Variants in KIR2DL1 observed in about 807,000 individuals in gnomAD.
The protein encoded by KIR2DL1 is killer cell immunoglobulin-like receptor 2DL1.
KIR2DL1 carries 38 observed loss-of-function variants against 33.9 expected under a neutral mutation model. That is an observed-to-expected ratio of 1.12 (90% confidence interval 0.86 to 1.47). KIR2DL1 has a LOEUF of 1.47. Among genes scored for constraint, KIR2DL1 ranks in the 40% most tolerant of loss-of-function variants. The pLI is 0.00. For missense variants in KIR2DL1, 531 were observed against 433.9 expected (o/e 1.22, Z -1.99); for synonymous variants, 179 against 165.9 (o/e 1.08, Z -0.61).
At chr19:54,774,338 A>G in intron 3 of KIR2DL1, among the ~76,000 whole-genome samples, 1 of 118,258 alleles carries the variant, frequency 8.5e-6, no homozygotes, top group Non-Finnish European at 1.9e-5. Flanking sequence ...AAAGAGAGAG[A>G]AAAGAGGGCA....
Position 54,783,535 on chromosome 19 carries a change from C to A in KIR2DL1, c.867C>A (p.Ser289Arg), listed in dbSNP as rs2736416. ...QESAGNRTAN[S>R]EDSDEQDPQE... ...CTGCAGGAAACAGAACAGCGAATAGCGAGGTAGGTACTCCTCGGCCCGGGC... is the reference window on the plus strand; with the variant it reads ...CTGCAGGAAACAGAACAGCGAATAGAGAGGTAGGTACTCCTCGGCCCGGGC... Residue 289 changes from serine to arginine, a missense_variant, in exon 7 of 8, where the codon AGC becomes AGA. Physicochemically the swap from Ser to Arg is moderately radical, Grantham distance 110 (BLOSUM62 -1). Coordinates refer to ENST00000336077, the MANE Select transcript of KIR2DL1 (RefSeq NM_014218.3). 12 of 1,613,358 alleles carry A rather than the reference C, an allele frequency of 7.4e-6. 1 individual carries two copies. The highest frequency in any genetic ancestry group is 1.3e-5 in the African/African-American group (1 of 74,784).
Position 54,773,602 on chromosome 19 carries a change from C to G in KIR2DL1, c.340C>G (p.Pro114Ala). Residue 114 changes from proline (P) to alanine (A), a missense_variant, in exon 3 of 8, where the codon CCC (proline) becomes GCC (alanine). Coordinates refer to ENST00000336077, the MANE Select transcript of KIR2DL1 (RefSeq NM_014218.3). ...TCACTCCCCCTATCAGGTGTCAGCT[C>G]CCAGTGACCCTCTGGACATCGTGAT... ...VTHSPYQVSA[P>A]SDPLDIVIIG... 6.3e-7 allele frequency: 1 copy of G among 1,577,932 alleles called. No individual in the cohort carries two copies. The highest frequency in any genetic ancestry group is 8.7e-7 in the Non-Finnish European group (1 of 1,151,680).
At chr19:54,771,354 G>A (rs1051387605) in intron 2 of KIR2DL1, among the ~76,000 whole-genome samples, 1 of 148,344 alleles carries the variant, frequency 6.7e-6, no homozygotes, top group Non-Finnish European at 1.5e-5. Flanking sequence ...TCTACCCTGT[G>A]TTGTTTTATG....
In KIR2DL1 at chr19:54,783,524, A is replaced by G; in HGVS notation, c.856A>G (p.Thr286Ala). The change falls in exon 7 of 8, where the codon ACA becomes GCA. Residue 286 changes from threonine (T) to alanine (A), a missense_variant. Thr to Ala is a moderately conservative substitution (Grantham distance 58, BLOSUM62 0). Transcript: ENST00000336077. Reference sequence around the variant, plus strand: ...GGACCAAGAGTCTGCAGGAAACAGAACAGCGAATAGCGAGGTAGGTACTCC... The same window carrying G: ...GGACCAAGAGTCTGCAGGAAACAGAGCAGCGAATAGCGAGGTAGGTACTCC... ...VMDQESAGNR[T>A]ANSEDSDEQD... is the part of the protein sequence containing the mutation. 1 of 1,613,790 alleles carries G rather than the reference A, an allele frequency of 6.2e-7. No homozygotes were observed. Among genetic ancestry groups the G allele is most frequent in the Admixed American group, 1.7e-5 (1 of 59,994 alleles).
At chr19:54,782,367 C>G (rs1459981024) in intron 5 of KIR2DL1, among the ~76,000 whole-genome samples, 1 of 152,076 alleles carries the variant, frequency 6.6e-6, no homozygotes, top group African/African-American at 2.4e-5. Context: ...CCTCACCGTT[C>G]TGCAGGCTGT....
rs1470663224 is a variant in KIR2DL1, at chr19:54,774,747, A to G, written c.371-418A>G. Among the ~76,000 whole-genome samples, 3 of 148,278 alleles carry G rather than the reference A, an allele frequency of 2.0e-5. 1 individual carries two copies. The highest frequency in any genetic ancestry group is 4.5e-5 in the Non-Finnish European group (3 of 66,154). On this transcript the variant is annotated intron_variant, in intron 3 of 7. Transcript: ENST00000336077. ...GGATAGATAGACAATTGATGGATAA[A>G]TAGATGATATATAGATATAGATGAC...
At chr19:54,771,699 G>A (rs1215643683) in intron 2 of KIR2DL1, among the ~76,000 whole-genome samples, 1 of 148,086 alleles carries the variant, frequency 6.8e-6, no homozygotes, top group Non-Finnish European at 1.5e-5. Context: ...TCTTATCTTG[G>A]GTTTAACAAC....
chr19:54,777,480 T>C lies in KIR2DL1; in HGVS notation c.665-1132T>C, dbSNP rs1329158958. On this transcript the variant is annotated intron_variant, in intron 4 of 7. Coordinates refer to ENST00000336077, the MANE Select transcript of KIR2DL1 (RefSeq NM_014218.3). ...ATGAGTGATACTGAGCACTTTTTCGTATGTGGGGAAATTTCATGTCTTTTG... is the reference window on the plus strand; with the variant it reads ...ATGAGTGATACTGAGCACTTTTTCGCATGTGGGGAAATTTCATGTCTTTTG... Among the ~76,000 whole-genome samples the C allele has an allele frequency of 2.0e-5, 3 of 149,668 alleles. 1 individual carries two copies. The Admixed American group carries it at 2.0e-4, about 10-fold the overall frequency.
intron 4 of KIR2DL1, among the ~76,000 whole-genome samples, chr19:54,776,979 C>T (rs1440726060): frequency 3.3e-5 from 5 of 150,260 alleles, no homozygotes; most frequent in Non-Finnish European, 7.4e-5. Context: ...TACTTTTCTC[C>T]GTAATGGCTG....
chr19:54,778,335 T>C (rs1321806337), intron 4 of KIR2DL1, among the ~76,000 whole-genome samples: 8 of 149,634 alleles, frequency 5.3e-5, no homozygotes, highest in South Asian at 2.1e-4. Flanking sequence ...CGTTGTTCTA[T>C]GTGCCTTTCT....
At chr19:54,776,407 T>G (rs1459045079) in intron 4 of KIR2DL1, among the ~76,000 whole-genome samples, 5 of 145,878 alleles carry the variant, frequency 3.4e-5, no homozygotes, top group African/African-American at 1.3e-4. Flanking sequence ...TGGCTGCAAA[T>G]GACAGGATGT....
At chr19:54,776,361 T>C (rs1223538906) in intron 4 of KIR2DL1, among the ~76,000 whole-genome samples, 1 of 145,576 alleles carries the variant, frequency 6.9e-6, no homozygotes, top group Non-Finnish European at 1.5e-5. Context: ...GGGTGAGAAA[T>C]GGGAATCTTT....
chr19:54,776,485 C>T (rs2147512410), intron 4 of KIR2DL1, among the ~76,000 whole-genome samples: 1 of 147,202 alleles, frequency 6.8e-6, no homozygotes, highest in Admixed American at 6.9e-5. Flanking sequence ...CATTCACCCA[C>T]TGATGGGCAG....
At position 54,775,215 on chromosome 19, in the gene KIR2DL1, G is replaced by A. The variant is rs145961423; in HGVS notation, c.421G>A (p.Ala141Thr). 1,645 of 1,601,086 alleles carry A rather than the reference G, an allele frequency of 1.0e-3. 91 individuals are homozygous for A. Among genetic ancestry groups the A allele is most frequent in the Non-Finnish European group, 1.2e-3 (1,440 of 1,170,830 alleles). Reference protein sequence around the residue: ...LSAQLGPTVLAGENVTLSCSS... With the variant: ...LSAQLGPTVLTGENVTLSCSS... ...AGCCCAGCTGGGCCCCACGGTTCTG[G>A]CAGGAGAGAATGTGACCTTGTCCTG... The change falls in exon 4 of 8, where the codon GCA (alanine) becomes ACA (threonine). Residue 141 changes from alanine to threonine, a missense_variant. By Grantham distance (58) the Ala-to-Thr change is moderately conservative. Coordinates refer to ENST00000336077, the MANE Select transcript of KIR2DL1 (RefSeq NM_014218.3).
intron 1 of KIR2DL1, 72 bp from the exon 2 acceptor site, chr19:54,770,777 A>G: frequency 6.4e-7 from 1 of 1,552,894 alleles, no homozygotes; most frequent in Non-Finnish European, 8.9e-7. Context: ...CAAGACTCAC[A>G]GCCCAGTGGG....
rs755309028 is a variant in KIR2DL1 at position 54,775,419 on chromosome 19, T to A, written c.625T>A (p.Trp209Arg). 1.3e-4 allele frequency: 209 copies of A among 1,584,216 alleles called. 10 individuals are homozygous for A. In the East Asian group the frequency reaches 4.6e-3, roughly 35 times the overall value. ...FGSFHDSPYE[W>R]SKSSDPLLVS... ...CTCTTTCCATGACTCTCCATACGAG[T>A]GGTCAAAGTCAAGTGACCCACTGCT... The change falls in exon 4 of 8, where the codon TGG (tryptophan) becomes AGG (arginine). Residue 209 changes from tryptophan to arginine, a missense_variant. Transcript: ENST00000336077.
chr19:54,770,985 A>C, intron 2 of KIR2DL1, 101 bp downstream of exon 2: 2 of 1,488,916 alleles, frequency 1.3e-6, no homozygotes, highest in East Asian at 4.6e-5. Flanking sequence ...TAAACTAGGA[A>C]GAAGGGACCC....
At chr19:54,778,348 A>G (rs918459689) in intron 4 of KIR2DL1, among the ~76,000 whole-genome samples, 7 of 149,452 alleles carry the variant, frequency 4.7e-5, no homozygotes, top group East Asian at 3.9e-4. Flanking sequence ...GCCTTTCTTT[A>G]TGCCAATGTC....
intron 5 of KIR2DL1, among the ~76,000 whole-genome samples, chr19:54,781,999 C>A (rs371141383): frequency 6.6e-6 from 1 of 152,030 alleles, no homozygotes; most frequent in African/African-American, 2.4e-5. Flanking sequence ...ACAGAGAATA[C>A]GTTACATAGG....
Sources: allele counts gnomAD v4.1 joint callset (sites outside exome capture counted in the v4.1 genomes callset), GRCh38; gene constraint gnomAD v4.1.1; transcripts MANE v1.5; gene names NCBI Gene and HGNC (gene_info 2026-07-23, HGNC 2026-07-21).